DLGAP1: variants seen among roughly 807,000 people sequenced by gnomAD.
DLGAP1 encodes DLG associated protein 1.
A neutral mutation model predicts 90.8 loss-of-function variants in DLGAP1; 11 were observed. The ratio of observed to expected loss-of-function variants is 0.12; its 90% CI spans 0.08 to 0.20. The LOEUF is 0.20. Ranked by LOEUF, DLGAP1 falls within the 10% of genes least tolerant of loss-of-function variation. The pLI is 1.00. For synonymous variants in DLGAP1, 558 were observed against 540.7 expected, an observed-to-expected ratio of 1.03 and a Z score of -0.44; for missense variants, 1,050 against 1,333.8, an observed-to-expected ratio of 0.79 and a Z score of 3.31.
Position 4,390,344 on chromosome 18 carries a change from T to C in DLGAP1, c.-267+64662A>G, listed in dbSNP as rs557843608. ...TATCACAGTGGTACACTTGTTGTAA[T>C]TGATGAACCTCTATTGACACATCAT... On this transcript the variant is annotated intron_variant, in intron 1 of 12. Coordinates refer to ENST00000315677, the MANE Select transcript of DLGAP1 (RefSeq NM_004746.4). Among the ~76,000 whole-genome samples the C allele has an allele frequency of 3.9e-5, 6 of 152,154 alleles. No homozygotes were observed. In the South Asian group the frequency reaches 1.0e-3, roughly 26 times the overall value.
intron 3 of DLGAP1, among the ~76,000 whole-genome samples, chr18:3,951,271 A>T (rs1182781792): frequency 1.3e-5 from 2 of 152,246 alleles, no homozygotes; most frequent in Admixed American, 6.5e-5. Context: ...CATTACACAC[A>T]TATACAAACA....
At chr18:3,878,781 A>C (rs1324512654) in intron 4 of DLGAP1, among the ~76,000 whole-genome samples, 3 of 152,166 alleles carry the variant, frequency 2.0e-5, no homozygotes, top group Non-Finnish European at 4.4e-5. Flanking sequence ...CTTCTTTTAA[A>C]ATTCTCTGTA....
chr18:3,978,370 G>C (rs2073645624), intron 3 of DLGAP1: 1 of 337,814 alleles, frequency 3.0e-6, no homozygotes, highest in Non-Finnish European at 5.9e-6. Flanking sequence ...TAATTTTCGT[G>C]GGATCTCGCC....
rs184290031 is a variant in DLGAP1 at position 3,508,215 on chromosome 18, T to G, written c.2571+355A>C. Among the ~76,000 whole-genome samples, 49 of 152,336 alleles carry G rather than the reference T, an allele frequency of 3.2e-4. 1 individual carries two copies. The South Asian group carries it at 5.4e-3, about 17-fold the overall frequency. On this transcript the variant is annotated intron_variant, in intron 11 of 12. Transcript: ENST00000315677. ...AGAAAATCACTATCCAAAATGATTTTTTTTGGGCAATATTATTTTTGAAAT... is the reference window on the plus strand; with the variant it reads ...AGAAAATCACTATCCAAAATGATTTGTTTTGGGCAATATTATTTTTGAAAT...
At chr18:3,892,937 T>A (rs1283676143) in intron 3 of DLGAP1, among the ~76,000 whole-genome samples, 3 of 149,198 alleles carry the variant, frequency 2.0e-5, no homozygotes, top group Non-Finnish European at 4.4e-5. Context: ...TTTTTATAGG[T>A]TTAGGGGATA....
intron 2 of DLGAP1, among the ~76,000 whole-genome samples, chr18:4,144,428 T>C (rs571118787): frequency 6.6e-6 from 1 of 152,126 alleles, no homozygotes; most frequent in Admixed American, 6.5e-5. Flanking sequence ...AATCACTGTG[T>C]TCTCCCTCCC....
At chr18:3,722,952 G>T (rs1454490649) in intron 7 of DLGAP1, among the ~76,000 whole-genome samples, 1 of 152,136 alleles carries the variant, frequency 6.6e-6, no homozygotes, top group African/African-American at 2.4e-5. Context: ...AGGAACAAAG[G>T]GCTGTTTACT....
chr18:3,678,495 C>T (rs1169037629), intron 7 of DLGAP1, among the ~76,000 whole-genome samples: 1 of 152,046 alleles, frequency 6.6e-6, no homozygotes, highest in Non-Finnish European at 1.5e-5. Flanking sequence ...TTAATATGAT[C>T]GTTGTTTTTG....
chr18:4,244,030 T>A (rs1301680247), intron 1 of DLGAP1, among the ~76,000 whole-genome samples: 1 of 152,210 alleles, frequency 6.6e-6, no homozygotes, highest in Admixed American at 6.5e-5. Flanking sequence ...TCTTTTTTTT[T>A]CTGTACCATC....
rs2074276811 is a variant in DLGAP1, at chr18:4,005,136, T to A, written c.-93A>T. 1 of 152,178 alleles carries A rather than the reference T, an allele frequency of 6.6e-6. No homozygotes were observed. The highest frequency in any genetic ancestry group is 2.4e-5 in the African/African-American group (1 of 41,436). The allele number at this position is 152,178 out of a possible 1,614,324, so 9.4% of individuals were successfully genotyped here. A position where few individuals can be genotyped will look rare whatever the true frequency, so the allele number is the denominator to read the frequency against. On this transcript the variant is annotated 5_prime_UTR_variant, in exon 3 of 13. It removes an upstream start codon present in the reference 5' UTR. Transcript: ENST00000315677. Reference sequence around the variant, plus strand: ...CTTACTGTTCTTAGCGCCGTTGTCATTCAATCAGGAATTCTCTCGAGCAGA... The same window carrying A: ...CTTACTGTTCTTAGCGCCGTTGTCAATCAATCAGGAATTCTCTCGAGCAGA...
chr18:4,258,113 G>T (rs2078933208), intron 1 of DLGAP1, among the ~76,000 whole-genome samples: 1 of 151,700 alleles, frequency 6.6e-6, no homozygotes, highest in Non-Finnish European at 1.5e-5. Flanking sequence ...GAGTGCAGTG[G>T]CACGATCACA....
intron 7 of DLGAP1, among the ~76,000 whole-genome samples, chr18:3,624,972 C>CCA (rs1567855210): frequency 2.0e-5 from 3 of 152,134 alleles, no homozygotes; most frequent in Admixed American, 6.6e-5. Context: ...AGTCTACCTA[C>CCA]CACACACACA....
At chr18:3,783,796 CT>C (rs1480118274) in intron 5 of DLGAP1, among the ~76,000 whole-genome samples, 1 of 152,154 alleles carries the variant, frequency 6.6e-6, no homozygotes, top group African/African-American at 2.4e-5. Flanking sequence ...AAAGTGGTTA[CT>C]ACAAAAAGCA....
chr18:3,787,570 G>A (rs542849102), intron 5 of DLGAP1, among the ~76,000 whole-genome samples: 6 of 150,392 alleles, frequency 4.0e-5, no homozygotes, highest in Admixed American at 4.0e-4. Context: ...ACTTCACTGT[G>A]GTTTGTATTA....
At chr18:3,541,129 A>G (rs573151373) in intron 9 of DLGAP1, among the ~76,000 whole-genome samples, 2 of 152,308 alleles carry the variant, frequency 1.3e-5, no homozygotes, top group South Asian at 4.2e-4. Flanking sequence ...CTCACTAACA[A>G]TTATGTTTTA....
chr18:4,338,859 T>A (rs1447082091), intron 1 of DLGAP1, among the ~76,000 whole-genome samples: 1 of 152,186 alleles, frequency 6.6e-6, no homozygotes, highest in East Asian at 1.9e-4. Flanking sequence ...GAGTCATTTA[T>A]TCAATGTAAA....
At chr18:4,359,333 T>C (rs1307909762) in intron 1 of DLGAP1, among the ~76,000 whole-genome samples, 2 of 152,188 alleles carry the variant, frequency 1.3e-5, no homozygotes, top group Admixed American at 6.5e-5. Context: ...AAGACCCTCA[T>C]GTGAGAGGTG....
intron 5 of DLGAP1, among the ~76,000 whole-genome samples, chr18:3,763,850 T>C (rs2064090268): frequency 1.3e-5 from 2 of 152,004 alleles, no homozygotes; most frequent in Admixed American, 1.3e-4. Context: ...TTAGTACAGA[T>C]GGGGTTTCAC....
chr18:3,680,788 CAA>C (rs71160910), intron 7 of DLGAP1, among the ~76,000 whole-genome samples: 13 of 94,686 alleles, frequency 1.4e-4, no homozygotes, highest in Non-Finnish European at 1.1e-4. Context: ...GACTCCGTCT[CAA>C]AAAAAAAAAA....
Sources: gnomAD v4.1 joint callset for allele counts (sites outside exome capture counted in the v4.1 genomes callset) on GRCh38, gnomAD v4.1.1 for gene constraint, MANE v1.5 for transcripts, NCBI Gene and HGNC (gene_info 2026-07-23, HGNC 2026-07-21) for gene names.